The following DSC3 variants were observed in gnomAD, a reference collection of about 807,000 sequenced individuals.
DSC3 encodes desmocollin 3.
DSC3 carries 97 observed loss-of-function variants against 89.5 expected under a neutral mutation model. That is an observed-to-expected ratio of 1.08 (90% CI 0.92 to 1.28). DSC3 has a LOEUF of 1.28. Ranked by LOEUF, DSC3 falls within the 50% of genes most tolerant of loss-of-function variation. The pLI is 0.00. For missense variants in DSC3, 1,199 were observed against 1,085.3 expected (o/e 1.10, Z -1.47); for synonymous variants, 436 against 384.1 (o/e 1.14, Z -1.58).
intron 1 of DSC3, among the ~76,000 whole-genome samples, chr18:31,041,971 C>T (rs1334772885): frequency 6.6e-6 from 1 of 152,082 alleles, no homozygotes; most frequent in Admixed American, 6.5e-5. Flanking sequence ...CACACTTTCG[C>T]GCCCCCGGCA....
At chr18:31,018,346 T>G in intron 8 of DSC3, 90 bp from the exon 9 acceptor site, 1 of 923,884 alleles carries the variant, frequency 1.1e-6, no homozygotes, top group Non-Finnish European at 1.6e-6. Context: ...ATACTTACCA[T>G]TATAATTTTA....
chr18:31,017,655 A>G (rs1445774643), intron 9 of DSC3, among the ~76,000 whole-genome samples: 1 of 152,236 alleles, frequency 6.6e-6, no homozygotes, highest in Admixed American at 6.5e-5. Context: ...GAGAATATTT[A>G]TCTTACAGAA....
rs917233139 is a variant in DSC3, at chr18:30,991,040, C to T, written c.*3135G>A. 1 of 152,290 alleles carries T rather than the reference C, an allele frequency of 6.6e-6. No homozygotes were observed. Among genetic ancestry groups the T allele is most frequent in the African/African-American group, 2.4e-5 (1 of 41,414 alleles). 9.4% of individuals were successfully genotyped at this position (152,290 alleles called of 1,614,324 possible). A position where few individuals can be genotyped will look rare whatever the true frequency, so the allele number is the denominator to read the frequency against. On this transcript the variant is annotated 3_prime_UTR_variant, in exon 16 of 16. Coordinates refer to ENST00000360428, the MANE Select transcript of DSC3 (RefSeq NM_001941.5). ...AGTGATCATCTTAGAATTATTTAATCTCTAAATACAGCAAAAACAAGAAAC... is the reference window on the plus strand; with the variant it reads ...AGTGATCATCTTAGAATTATTTAATTTCTAAATACAGCAAAAACAAGAAAC...
At chr18:31,018,872 A>C in intron 7 of DSC3, 72 bp from the exon 8 acceptor site, 2 of 1,354,474 alleles carry the variant, frequency 1.5e-6, no homozygotes, top group Non-Finnish European at 2.1e-6. Context: ...CCTCAATTGC[A>C]CACTCACTCA....
At position 31,011,453 on chromosome 18, in the gene DSC3, G is replaced by A. The variant is rs534290659; in HGVS notation, c.1264-2928C>T. 4.0e-5 allele frequency among the ~76,000 whole-genome samples: 6 copies of A among 151,394 alleles called. No individual in the cohort carries two copies. In the South Asian group the frequency reaches 1.0e-3, roughly 26 times the overall value. On this transcript the variant is annotated intron_variant, in intron 9 of 15. Transcript: ENST00000360428. ...GCCTACTGATTACTTAACTCTTTGA[G>A]GTATAAAGGAATGAATAACATGCAC...
rs770489027 is a variant in DSC3, at chr18:31,024,475, T to A, written c.649A>T (p.Thr217Ser). The change falls in exon 6 of 16, where the codon ACT becomes TCT. Residue 217 changes from threonine to serine, a missense_variant. Transcript: ENST00000360428. ...DVFDLIAYAS[T>S]ADGYSADLPL... is the part of the protein sequence containing the mutation. ...AGATCTGCTGAATATCCATCTGCAG[T>A]TGACGCATAAGCAATCAACTGCAAA... 2.5e-6 allele frequency: 4 copies of A among 1,612,840 alleles called. No individual in the cohort carries two copies. In the Admixed American group the frequency reaches 6.7e-5, roughly 27 times the overall value.
chr18:31,038,778 G>T (rs1019521300), intron 1 of DSC3, among the ~76,000 whole-genome samples: 2 of 151,922 alleles, frequency 1.3e-5, no homozygotes, highest in African/African-American at 2.4e-5. Context: ...GTTAAGAAAT[G>T]GAACATTACT....
chr18:30,999,106 A>G (rs1180301260), intron 14 of DSC3, among the ~76,000 whole-genome samples: 1 of 152,196 alleles, frequency 6.6e-6, no homozygotes, highest in African/African-American at 2.4e-5. Context: ...ATAGGACAGA[A>G]GTTTAGTTAC....
In DSC3 at chr18:31,022,322, AGTGT is replaced by A; in HGVS notation, c.942+10_942+13del. 5 of 1,613,964 alleles carry A rather than the reference AGTGT, an allele frequency of 3.1e-6. No individual in the cohort carries two copies. Among genetic ancestry groups the A allele is most frequent in the Non-Finnish European group, 4.2e-6 (5 of 1,179,892 alleles). Reference sequence around the variant, plus strand: ...TCCTCAGCGAAATGAAATTCTATGGAGTGTGTGAGCTACCTCTCTGTCCAAATAA... The same window carrying A: ...TCCTCAGCGAAATGAAATTCTATGGAGTGAGCTACCTCTCTGTCCAAATAA... On this transcript the variant is annotated intron_variant, in intron 7 of 15. Transcript: ENST00000360428.
chr18:31,007,279 G>A, intron 11 of DSC3, 148 bp from the exon 12 acceptor site: 1 of 622,566 alleles, frequency 1.6e-6, no homozygotes, highest in Non-Finnish European at 2.8e-6. Flanking sequence ...AACATAGACA[G>A]ATAAATAGAA....
rs1056984330 is a variant in DSC3 at position 31,024,591 on chromosome 18, A to G, written c.631-98T>C. On this transcript the variant is annotated intron_variant, in intron 5 of 15. Transcript: ENST00000360428. ...ACCTGCCTTGCAAATCTTTTCAATA[A>G]TAAACTACTTTGAAGTTTTTTTATC... is the stretch of plus-strand genomic sequence containing the variant. 2.9e-6 allele frequency: 4 copies of G among 1,361,254 alleles called. No individual in the cohort carries two copies. In the African/African-American group the frequency reaches 4.4e-5, roughly 15 times the overall value. 84.3% of individuals were successfully genotyped at this position (1,361,254 alleles called of 1,614,324 possible).
intron 7 of DSC3, among the ~76,000 whole-genome samples, chr18:31,022,125 T>C (rs1002062115): frequency 3.3e-5 from 5 of 152,124 alleles, no homozygotes; most frequent in African/African-American, 1.2e-4. Flanking sequence ...CCCTTCTAAA[T>C]GCCAATTGAT....
intron 11 of DSC3, among the ~76,000 whole-genome samples, chr18:31,007,582 T>G (rs1984896953): frequency 6.6e-6 from 1 of 152,178 alleles, no homozygotes; most frequent in Non-Finnish European, 1.5e-5. Context: ...GATTAATATT[T>G]TTATTTTAAT....
At chr18:31,022,530 T>C in intron 6 of DSC3, 28 bp from the exon 7 acceptor site, 2 of 1,612,832 alleles carry the variant, frequency 1.2e-6, no homozygotes, top group Non-Finnish European at 1.7e-6. Context: ...AAACAGCCTT[T>C]AATTTACAGA....
chr18:31,037,897 C>CAA (rs567216995), intron 1 of DSC3, among the ~76,000 whole-genome samples: 2 of 137,210 alleles, frequency 1.5e-5, no homozygotes, highest in Non-Finnish European at 1.6e-5. Flanking sequence ...AACTCCATCT[C>CAA]AAAAAAAAAA....
In DSC3 at chr18:31,008,544, G is replaced by T. The variant is rs764691758; in HGVS notation, c.1264-19C>A. 1 of 1,613,104 alleles carries T rather than the reference G, an allele frequency of 6.2e-7. No homozygotes were observed. Among genetic ancestry groups the T allele is most frequent in the South Asian group, 1.1e-5 (1 of 91,078 alleles). On this transcript the variant is annotated intron_variant, in intron 9 of 15. Coordinates refer to ENST00000360428, the MANE Select transcript of DSC3 (RefSeq NM_001941.5). Reference sequence around the variant, plus strand: ...TCAGTGGCTTTAAAATAAAGTCCATGTATATCAGTGTCAGTGTAAAATACA... The same window carrying T: ...TCAGTGGCTTTAAAATAAAGTCCATTTATATCAGTGTCAGTGTAAAATACA...
chr18:31,001,664 T>C lies in DSC3; in HGVS notation c.2189A>G (p.Gln730Arg). 1 of 1,611,604 alleles carries C rather than the reference T, an allele frequency of 6.2e-7. No homozygotes were observed. The highest frequency in any genetic ancestry group is 8.5e-7 in the Non-Finnish European group (1 of 1,178,674). ...TTCTGTGTTTGATATAATTAAGTTT[T>C]GCTGTGCTAAATCTTCAGGAAAACG... The part of the protein sequence containing the change: ...GKRFPEDLAQ[Q>R]NLIISNTEAP... The change falls in exon 14 of 16, where the codon CAA becomes CGA. Residue 730 changes from glutamine (Q) to arginine (R), a missense_variant. By Grantham distance (43) the Gln-to-Arg change is conservative. Coordinates refer to ENST00000360428, the MANE Select transcript of DSC3 (RefSeq NM_001941.5).
intron 9 of DSC3, among the ~76,000 whole-genome samples, chr18:31,011,354 G>A (rs1227658619): frequency 6.6e-6 from 1 of 152,166 alleles, no homozygotes; most frequent in Non-Finnish European, 1.5e-5. Flanking sequence ...TGCAATAAAA[G>A]GAGACGCTAA....
intron 1 of DSC3, among the ~76,000 whole-genome samples, chr18:31,035,872 A>C (rs1208599285): frequency 6.6e-6 from 1 of 152,142 alleles, no homozygotes; most frequent in East Asian, 1.9e-4. Context: ...TTATACTTTC[A>C]TTATATAGTA....
Sources: gnomAD v4.1 joint callset for allele counts (sites outside exome capture counted in the v4.1 genomes callset) on GRCh38, gnomAD v4.1.1 for gene constraint, MANE v1.5 for transcripts, NCBI Gene and HGNC (gene_info 2026-07-23, HGNC 2026-07-21) for gene names.